The following PLCG1 variants were observed in gnomAD, a reference collection of about 807,000 sequenced individuals.
PLCG1 encodes 1-phosphatidylinositol 4,5-bisphosphate phosphodiesterase gamma-1.
In PLCG1, 71 loss-of-function variants were observed where a neutral mutation model predicts 177.8. That is an observed-to-expected ratio of 0.40 (90% CI 0.33 to 0.49). The LOEUF (loss-of-function observed/expected upper bound fraction) is 0.49. Among genes scored for constraint, PLCG1 ranks in the 20% least tolerant of loss-of-function variants. PLCG1 has a pLI of 0.72. For synonymous variants in PLCG1, 658 were observed against 647.9 expected (o/e 1.02, Z -0.24); for missense variants, 1,281 against 1,709.0 (o/e 0.75, Z 4.42).
In PLCG1 at chr20:41,148,319, T is replaced by G. The variant is rs2035059839; in HGVS notation, c.217+10461T>G. Among the ~76,000 whole-genome samples, 1 of 152,160 alleles carries G rather than the reference T, an allele frequency of 6.6e-6. No individual in the cohort carries two copies. The highest frequency in any genetic ancestry group is 1.5e-5 in the Non-Finnish European group (1 of 68,024). ...GAGGGGAAGGCCTCTATTCTCCCTT[T>G]CCCACTTGTCTCCCTACCTCAGCCC... On this transcript the variant is annotated intron_variant, in intron 1 of 31. Transcript: ENST00000685551. The surrounding 1 kb of genome is among the most constrained non-coding windows in gnomAD (Gnocchi z 4.3).
chr20:41,163,314 TG>T lies in PLCG1; in HGVS notation c.789+45del. The T allele has an allele frequency of 1.3e-6, 2 of 1,595,128 alleles. No homozygotes were observed. Among genetic ancestry groups the T allele is most frequent in the African/African-American group, 1.3e-5 (1 of 74,264 alleles). ...GACATTGGCCCAGGCTGGTAGGTTG[TG>T]GGGGGCTGGGCTCATCCCTGACTGG... On this transcript the variant is annotated intron_variant, in intron 8 of 31. Transcript: ENST00000685551. The surrounding 1 kb of genome is among the most constrained non-coding windows in gnomAD (Gnocchi z 5.2).
chr20:41,164,893 T>A lies in PLCG1; in HGVS notation c.1218-40T>A. 1 of 1,591,060 alleles carries A rather than the reference T, an allele frequency of 6.3e-7. No individual in the cohort carries two copies. On this transcript the variant is annotated intron_variant, in intron 12 of 31. Coordinates refer to ENST00000685551, the MANE Select transcript of PLCG1 (RefSeq NM_002660.3). The surrounding 1 kb of genome is among the most constrained non-coding windows in gnomAD (Gnocchi z 6.4). ...GAGGGGCTACTTAGACCCAGAGAAT[T>A]GCAGAATCTGTTTCACTGTGCTTGT...
chr20:41,172,153 G>A lies in PLCG1; in HGVS notation c.2809-40G>A, dbSNP rs374824241. The A allele has an allele frequency of 1.5e-4, 224 of 1,491,624 alleles. 1 individual carries two copies. The highest frequency in any genetic ancestry group is 8.0e-5 in the Non-Finnish European group (85 of 1,068,178). The allele number at this position is 1,491,624 out of a possible 1,614,324, so 92.4% of individuals were successfully genotyped here. ...CAGGGGCTTCCTTCTCCTGGGCAGG[G>A]CTGTAGCCTGGGGCTACAGGGCCTT... On this transcript the variant is annotated intron_variant, in intron 24 of 31. Transcript: ENST00000685551. The surrounding 1 kb of genome is among the most constrained non-coding windows in gnomAD (Gnocchi z 7.0).
intron 1 of PLCG1, among the ~76,000 whole-genome samples, chr20:41,141,144 A>T (rs1395133713): frequency 1.3e-5 from 2 of 152,158 alleles, no homozygotes; most frequent in African/African-American, 4.8e-5. Context: ...GAGGTTGTCC[A>T]TTTGAGGGTC....
intron 21 of PLCG1, 37 bp downstream of exon 21, chr20:41,168,907 C>T (rs756991022): frequency 6.9e-7 from 1 of 1,443,636 alleles, no homozygotes; most frequent in African/African-American, 1.4e-5. Context: ...AGTCCAAGGG[C>T]CCCAGTGGAG....
At position 41,168,836 on chromosome 20, in the gene PLCG1, A is replaced by G. The variant is rs765697492; in HGVS notation, c.2449A>G (p.Ile817Val). ...CGAGCTGACCTTCATCAAGAGCGCC[A>G]TCATCCAGAATGTGGAGAAGCAAGA... is the stretch of plus-strand genomic sequence containing the variant. Reference protein sequence around the residue: ...EDELTFIKSAIIQNVEKQEGG... With the variant: ...EDELTFIKSAVIQNVEKQEGG... The change falls in exon 21 of 32, where the codon ATC becomes GTC. Residue 817 changes from isoleucine to valine, a missense_variant. Coordinates refer to ENST00000685551, the MANE Select transcript of PLCG1 (RefSeq NM_002660.3). The G allele has an allele frequency of 4.4e-5, 71 of 1,612,132 alleles. No individual in the cohort carries two copies. The highest frequency in any genetic ancestry group is 1.0e-5 in the Non-Finnish European group (12 of 1,179,222).
chr20:41,160,100 C>A lies in PLCG1; in HGVS notation c.465-6C>A. The stretch of plus-strand genomic sequence containing the variant: ...AGTGGCCCTCACCTCAGGCTTCTCT[C>A]TCCAGGTGGCTCCGGAAGCAGTTTT... On this transcript the variant is annotated splice_polypyrimidine_tract_variant and splice_region_variant and intron_variant, in intron 3 of 31. Coordinates refer to ENST00000685551, the MANE Select transcript of PLCG1 (RefSeq NM_002660.3). The surrounding 1 kb of genome is among the most constrained non-coding windows in gnomAD (Gnocchi z 5.5). 8 of 1,614,106 alleles carry A rather than the reference C, an allele frequency of 5.0e-6. No homozygotes were observed. Among genetic ancestry groups the A allele is most frequent in the Non-Finnish European group, 6.8e-6 (8 of 1,179,956 alleles).
In PLCG1 at chr20:41,151,307, T is replaced by A. The variant is rs971693426; in HGVS notation, c.218-8299T>A. Among the ~76,000 whole-genome samples the A allele has an allele frequency of 6.6e-5, 10 of 152,192 alleles. No homozygotes were observed. Among genetic ancestry groups the A allele is most frequent in the Non-Finnish European group, 1.3e-4 (9 of 68,028 alleles). On this transcript the variant is annotated intron_variant, in intron 1 of 31. Coordinates refer to ENST00000685551, the MANE Select transcript of PLCG1 (RefSeq NM_002660.3). The surrounding 1 kb of genome is among the most constrained non-coding windows in gnomAD (Gnocchi z 5.5). ...CCCAGTTCTGCCATGACTCACCATA[T>A]GACCATGACAAGACCCTTTGGACCC...
rs2035710271 is a variant in PLCG1, at chr20:41,166,797, T to C, written c.2239T>C (p.Tyr747His). Residue 747 changes from tyrosine to histidine, a missense_variant, in exon 19 of 32, where the codon TAC becomes CAC. By Grantham distance (83) the Tyr-to-His change is moderately conservative. This residue lies in a region of PLCG1 where 723 missense variants were observed against 1,030.0 expected (regional missense o/e 0.70). Coordinates refer to ENST00000685551, the MANE Select transcript of PLCG1 (RefSeq NM_002660.3). The surrounding 1 kb of genome is among the most constrained non-coding windows in gnomAD (Gnocchi z 8.6). Reference sequence around the variant, plus strand: ...CAGCTACTATGAGAAACACCCGCTATACCGCAAGATGAAGCTGCGCTATCC... The same window carrying C: ...CAGCTACTATGAGAAACACCCGCTACACCGCAAGATGAAGCTGCGCTATCC... ...LISYYEKHPL[Y>H]RKMKLRYPIN... The C allele has an allele frequency of 6.2e-7, 1 of 1,614,024 alleles. No homozygotes were observed. The highest frequency in any genetic ancestry group is 1.7e-5 in the Admixed American group (1 of 60,000).
At chr20:41,142,154 A>G (rs2145996835) in intron 1 of PLCG1, among the ~76,000 whole-genome samples, 2 of 152,378 alleles carry the variant, frequency 1.3e-5, no homozygotes, top group Middle Eastern at 6.8e-3. Context: ...GGCCTCTACC[A>G]AGAACTGTGA....
At chr20:41,169,969 C>G (rs1036467139) in intron 23 of PLCG1, 143 bp from the exon 24 acceptor site, 2 of 740,712 alleles carry the variant, frequency 2.7e-6, no homozygotes, top group Non-Finnish European at 4.5e-6. Flanking sequence ...AATGGGCCAG[C>G]AGAGTAGTCC....
Position 41,151,927 on chromosome 20 carries a change from G to A in PLCG1, c.218-7679G>A, listed in dbSNP as rs1228345801. On this transcript the variant is annotated intron_variant, in intron 1 of 31. Transcript: ENST00000685551. This position sits in a 1 kb window ranked among gnomAD's most constrained non-coding sequence, Gnocchi z 5.5. The stretch of plus-strand genomic sequence containing the variant: ...CTGCCTGTGAAGGGGGATCTGCAGT[G>A]CAGTGCCTGCCGTACCCCACAGGGA... Among the ~76,000 whole-genome samples, 2 of 152,214 alleles carry A rather than the reference G, an allele frequency of 1.3e-5. No homozygotes were observed. The highest frequency in any genetic ancestry group is 4.8e-5 in the African/African-American group (2 of 41,460).
rs749374348 is a variant in PLCG1, at chr20:41,173,746, G to A, written c.3489G>A (p.Glu1163=). Residue 1163 remains glutamate, a synonymous_variant, in exon 29 of 32, where the codon GAG becomes GAA. Transcript: ENST00000685551. The surrounding 1 kb of genome is among the most constrained non-coding windows in gnomAD (Gnocchi z 6.2). The part of the protein sequence containing the change: ...EFAFLRFVVY[E]EDMFSDQNFL... ...CCTTTCTGCGCTTCGTGGTGTATGA[G>A]GAAGACATGTTTAGTGACCAGAATT... 1 of 1,614,040 alleles carries A rather than the reference G, an allele frequency of 6.2e-7. No homozygotes were observed. Among genetic ancestry groups the A allele is most frequent in the African/African-American group, 1.3e-5 (1 of 74,918 alleles).
At position 41,160,826 on chromosome 20, in the gene PLCG1, G is replaced by A. The variant is rs2035470380; in HGVS notation, c.512+673G>A. Among the ~76,000 whole-genome samples, 1 of 152,182 alleles carries A rather than the reference G, an allele frequency of 6.6e-6. No individual in the cohort carries two copies. Among genetic ancestry groups the A allele is most frequent in the African/African-American group, 2.4e-5 (1 of 41,446 alleles). ...GATTTTGGGGTGTGAGAGGCATTGA[G>A]GATAATAGTATGCTGTTTGGCTTGA... On this transcript the variant is annotated intron_variant, in intron 4 of 31. Transcript: ENST00000685551. The surrounding 1 kb of genome is among the most constrained non-coding windows in gnomAD (Gnocchi z 5.5).
At chr20:41,138,290 ACT>A (rs931068977) in intron 1 of PLCG1, among the ~76,000 whole-genome samples, 3 of 147,204 alleles carry the variant, frequency 2.0e-5, no homozygotes, top group East Asian at 4.1e-4. Context: ...AGTCTGTGAA[ACT>A]CTCCGGGCCC....
Position 41,162,633 on chromosome 20 carries a change from A to T in PLCG1, c.598-9A>T. On this transcript the variant is annotated splice_polypyrimidine_tract_variant and intron_variant, in intron 5 of 31. Coordinates refer to ENST00000685551, the MANE Select transcript of PLCG1 (RefSeq NM_002660.3). ...TGCCTGACTGGCACTCCTGCTCTAT[A>T]CCATGCAGGACCTGGAGCAGCGCAG... is the stretch of plus-strand genomic sequence containing the variant. 1 of 1,613,318 alleles carries T rather than the reference A, an allele frequency of 6.2e-7. No individual in the cohort carries two copies. Among genetic ancestry groups the T allele is most frequent in the Non-Finnish European group, 8.5e-7 (1 of 1,179,442 alleles).
chr20:41,160,370 G>T lies in PLCG1; in HGVS notation c.512+217G>T, dbSNP rs904837385. On this transcript the variant is annotated intron_variant, in intron 4 of 31. Coordinates refer to ENST00000685551, the MANE Select transcript of PLCG1 (RefSeq NM_002660.3). The surrounding 1 kb of genome is among the most constrained non-coding windows in gnomAD (Gnocchi z 5.5). ...GTGAGAGGAGCCAGCCACATGCTGTGTGCCCTGCCACTATGGGCAGAGACT... is the reference window on the plus strand; with the variant it reads ...GTGAGAGGAGCCAGCCACATGCTGTTTGCCCTGCCACTATGGGCAGAGACT... Among the ~76,000 whole-genome samples, 2 of 152,172 alleles carry T rather than the reference G, an allele frequency of 1.3e-5. No homozygotes were observed. The highest frequency in any genetic ancestry group is 2.4e-5 in the African/African-American group (1 of 41,436).
At chr20:41,169,259 C>T in intron 22 of PLCG1, 84 bp downstream of exon 22, 1 of 1,055,070 alleles carries the variant, frequency 9.5e-7, no homozygotes, top group Non-Finnish European at 1.5e-6. Context: ...CCCAAGCACG[C>T]ACGTGCATGC....
chr20:41,138,373 G>C (rs1013390431), intron 1 of PLCG1, among the ~76,000 whole-genome samples: 1 of 152,222 alleles, frequency 6.6e-6, no homozygotes, highest in Non-Finnish European at 1.5e-5. Flanking sequence ...TGTTGGGTAG[G>C]GCTGGTCTTG....
Sources: allele counts gnomAD v4.1 joint callset (sites outside exome capture counted in the v4.1 genomes callset), GRCh38; gene constraint gnomAD v4.1.1; regional missense constraint gnomAD v4.1.1; non-coding constraint Gnocchi (gnomAD v3.1); transcripts MANE v1.5; gene names NCBI Gene and HGNC (gene_info 2026-07-23, HGNC 2026-07-21).